Variants in BMP8A observed in about 807,000 individuals in gnomAD.
The protein encoded by BMP8A is bone morphogenetic protein 8a, also known as BMP-8A.
BMP8A carries 14 observed loss-of-function variants against 36.8 expected under a neutral mutation model. The observed-to-expected ratio is 0.38, with a 90% CI of 0.25 to 0.60. BMP8A has a LOEUF of 0.60. Among genes scored for constraint, BMP8A ranks in the 20% least tolerant of loss-of-function variants. The pLI, the probability that BMP8A is intolerant of heterozygous loss-of-function variation, is 0.63. For missense variants in BMP8A, 267 were observed against 551.1 expected, an observed-to-expected ratio of 0.48 and a Z score of 5.16; for synonymous variants, 120 against 237.7, an observed-to-expected ratio of 0.50 and a Z score of 4.55.
intron 6 of BMP8A, 49 bp downstream of exon 6, chr1:39,523,166 CAG>C: frequency 6.3e-7 from 1 of 1,597,450 alleles, no homozygotes; most frequent in South Asian, 1.1e-5. Flanking sequence ...GGAGGCCCTG[CAG>C]AGAGGGGTCT....
intron 1 of BMP8A, 77 bp downstream of exon 1, chr1:39,492,402 C>T: frequency 2.1e-6 from 3 of 1,407,766 alleles, no homozygotes; most frequent in Non-Finnish European, 2.8e-6. Flanking sequence ...CGGGCGGTGC[C>T]GGGCCCTGGC....
intron 1 of BMP8A, among the ~76,000 whole-genome samples, chr1:39,508,041 G>A (rs1164637940): frequency 6.6e-6 from 1 of 152,158 alleles, no homozygotes; most frequent in Non-Finnish European, 1.5e-5. Flanking sequence ...CACAAGATCA[G>A]GAGATCGAGA....
chr1:39,500,370 A>G (rs539931497), intron 1 of BMP8A, among the ~76,000 whole-genome samples: 3 of 152,358 alleles, frequency 2.0e-5, no homozygotes, highest in Non-Finnish European at 4.4e-5. Context: ...TAGTTGTTGC[A>G]AATGGGGAGG....
chr1:39,492,381 G>A, intron 1 of BMP8A, 56 bp downstream of exon 1: 1 of 1,431,042 alleles, frequency 7.0e-7, no homozygotes, highest in Non-Finnish European at 9.1e-7. Flanking sequence ...CAGGGGAGGG[G>A]CGCGCATCCG....
At chr1:39,493,848 G>A (rs564657407) in intron 1 of BMP8A, among the ~76,000 whole-genome samples, 6 of 152,250 alleles carry the variant, frequency 3.9e-5, no homozygotes, top group East Asian at 3.9e-4. Flanking sequence ...GGATGGAGTC[G>A]TCCAAGAATG....
intron 1 of BMP8A, among the ~76,000 whole-genome samples, chr1:39,510,847 C>T (rs1645347240): frequency 6.6e-6 from 1 of 152,224 alleles, no homozygotes; most frequent in Non-Finnish European, 1.5e-5. Flanking sequence ...AGGAGGCTCC[C>T]TCCTGTCTCA....
In BMP8A at chr1:39,524,298, A is replaced by C. The variant is rs1645460513; in HGVS notation, c.1059+1181A>C. 6.6e-6 allele frequency among the ~76,000 whole-genome samples: 1 copy of C among 151,970 alleles called. No homozygotes were observed. Among genetic ancestry groups the C allele is most frequent in the African/African-American group, 2.4e-5 (1 of 41,362 alleles). ...CCTTGCCCCTGCCCCTCAGGGGCTC[A>C]ACTAGAGTGAGTGCTCACAGCCTAC... On this transcript the variant is annotated intron_variant, in intron 6 of 6. Coordinates refer to ENST00000331593, the MANE Select transcript of BMP8A (RefSeq NM_181809.4). The surrounding 1 kb of genome is among the most constrained non-coding windows in gnomAD (Gnocchi z 4.0).
Position 39,526,739 on chromosome 1 carries a change from G to A in BMP8A, c.*941G>A, listed in dbSNP as rs1645487396. Among the ~76,000 whole-genome samples, 1 of 152,168 alleles carries A rather than the reference G, an allele frequency of 6.6e-6. No homozygotes were observed. The highest frequency in any genetic ancestry group is 1.5e-5 in the Non-Finnish European group (1 of 68,036). Reference sequence around the variant, plus strand: ...TCCCACAGGAGCAAAGAATCCTGGGGGCTTCCAGTTCCCTCCACCATCTCT... The same window carrying A: ...TCCCACAGGAGCAAAGAATCCTGGGAGCTTCCAGTTCCCTCCACCATCTCT... On this transcript the variant is annotated 3_prime_UTR_variant, in exon 7 of 7. Coordinates refer to ENST00000331593, the MANE Select transcript of BMP8A (RefSeq NM_181809.4).
In BMP8A at chr1:39,525,848, C is replaced by T. The variant is rs756828278; in HGVS notation, c.*50C>T. 1.9e-6 allele frequency: 3 copies of T among 1,608,838 alleles called. No homozygotes were observed. The highest frequency in any genetic ancestry group is 2.2e-5 in the South Asian group (2 of 91,030). On this transcript the variant is annotated 3_prime_UTR_variant, in exon 7 of 7. Coordinates refer to ENST00000331593, the MANE Select transcript of BMP8A (RefSeq NM_181809.4). ...GCCACCCTTCTCATCTGGATCGGGC[C>T]CTGCAGAGGCAGAAAACCCTTAAAT...
In BMP8A at chr1:39,497,418, G is replaced by A. The variant is rs190053377; in HGVS notation, c.334+5093G>A. Among the ~76,000 whole-genome samples, 135 of 152,298 alleles carry A rather than the reference G, an allele frequency of 8.9e-4. 2 individuals are homozygous for A. Among genetic ancestry groups the A allele is most frequent in the African/African-American group, 3.1e-3 (128 of 41,576 alleles). The stretch of plus-strand genomic sequence containing the variant: ...AGTAGGAACTTCACAAATGGGGGCT[G>A]ATCGATTGTGCCCCACTTCTGCACC... On this transcript the variant is annotated intron_variant, in intron 1 of 6. Transcript: ENST00000331593.
At position 39,491,779 on chromosome 1, in the gene BMP8A, G is replaced by T; in HGVS notation, c.-213G>T. ...AGAACAGCCCCGGCCTCGAAGCGTTGGCGTCTGCGTCCGCGTCAGCGTCCG... is the reference window on the plus strand; with the variant it reads ...AGAACAGCCCCGGCCTCGAAGCGTTTGCGTCTGCGTCCGCGTCAGCGTCCG... On this transcript the variant is annotated 5_prime_UTR_variant, in exon 1 of 7. Transcript: ENST00000331593. The T allele has an allele frequency of 8.8e-6, 2 of 226,906 alleles. No homozygotes were observed. Among genetic ancestry groups the T allele is most frequent in the Non-Finnish European group, 1.5e-5 (2 of 130,706 alleles). 14.1% of individuals were successfully genotyped at this position (226,906 alleles called of 1,614,324 possible).
intron 1 of BMP8A, among the ~76,000 whole-genome samples, chr1:39,499,890 G>A (rs370543585): frequency 1.3e-5 from 2 of 152,174 alleles, no homozygotes; most frequent in African/African-American, 2.4e-5. Flanking sequence ...CTCTACAGGC[G>A]CACTGTGGCC....
At chr1:39,504,512 G>A (rs1645282204) in intron 1 of BMP8A, among the ~76,000 whole-genome samples, 1 of 152,232 alleles carries the variant, frequency 6.6e-6, no homozygotes, top group African/African-American at 2.4e-5. Context: ...GCAGTAAAGA[G>A]CAGTATTGCC....
chr1:39,507,282 A>T (rs528767201), intron 1 of BMP8A, among the ~76,000 whole-genome samples: 1 of 152,156 alleles, frequency 6.6e-6, no homozygotes, highest in Non-Finnish European at 1.5e-5. Context: ...TCCCAACCTT[A>T]CAACTGGCAG....
chr1:39,508,557 A>G (rs1284158860), intron 1 of BMP8A, among the ~76,000 whole-genome samples: 1 of 152,198 alleles, frequency 6.6e-6, no homozygotes, highest in Non-Finnish European at 1.5e-5. Flanking sequence ...TGGCCAGAGA[A>G]TCTACCCTTT....
intron 1 of BMP8A, among the ~76,000 whole-genome samples, chr1:39,505,349 C>T (rs554786126): frequency 6.6e-6 from 1 of 152,332 alleles, no homozygotes; most frequent in African/African-American, 2.4e-5. Flanking sequence ...TTTTACCAAA[C>T]ATACTGCCTG....
chr1:39,500,845 G>A (rs192585869), intron 1 of BMP8A, among the ~76,000 whole-genome samples: 4 of 152,098 alleles, frequency 2.6e-5, no homozygotes, highest in African/African-American at 9.6e-5. Context: ...GTAGAGACAG[G>A]GTTTCACCAT....
intron 1 of BMP8A, among the ~76,000 whole-genome samples, chr1:39,510,026 T>C (rs1452053947): frequency 6.6e-6 from 1 of 151,188 alleles, no homozygotes; most frequent in East Asian, 2.0e-4. Context: ...GGGGCCCTGC[T>C]GCCCATCTCA....
At chr1:39,495,906 G>A in intron 1 of BMP8A, among the ~76,000 whole-genome samples, 1 of 152,148 alleles carries the variant, frequency 6.6e-6, no homozygotes, top group East Asian at 1.9e-4. Context: ...GGATCAGAAT[G>A]CAGGCAGCTT....
Sources: gnomAD v4.1 joint callset for allele counts (sites outside exome capture counted in the v4.1 genomes callset) on GRCh38, gnomAD v4.1.1 for gene constraint, Gnocchi (gnomAD v3.1) non-coding constraint, MANE v1.5 for transcripts, NCBI Gene and HGNC (gene_info 2026-07-23, HGNC 2026-07-21) for gene names.